The following INPP5B variants were observed in gnomAD, a reference collection of about 807,000 sequenced individuals.
The protein encoded by INPP5B is inositol polyphosphate-5-phosphatase B, also known as type II inositol 1,4,5-trisphosphate 5-phosphatase.
A neutral mutation model predicts 118.5 loss-of-function variants in INPP5B; 90 were observed. The observed-to-expected ratio is 0.76, with a 90% CI of 0.64 to 0.90. The LOEUF is 0.90. Ranked by LOEUF, INPP5B falls within the 40% of genes least tolerant of loss-of-function variation. The pLI is 0.00. For synonymous variants in INPP5B, 385 were observed against 418.9 expected (o/e 0.92, Z 0.99); for missense variants, 984 against 1,125.6 (o/e 0.87, Z 1.80).
At chr1:37,943,731 C>G in intron 4 of INPP5B, 62 bp from the exon 5 acceptor site, 1 of 1,612,386 alleles carries the variant, frequency 6.2e-7, no homozygotes, top group Non-Finnish European at 8.5e-7. Context: ...GCCCCCCCAT[C>G]AAGGACAAAG....
Position 37,885,811 on chromosome 1 carries a change from G to C in INPP5B, c.1146C>G (p.Gly382=). The change falls in exon 13 of 24, where the codon GGC becomes GGG. Residue 382 remains glycine (G), a synonymous_variant. Transcript: ENST00000373024. ...TGTGGAACTGGAACCTGATCGCCAC[G>C]CCTCCCTTGTTGCCCTATGGAAAGG... ...GIMGRMGNKG[G]VAIRFQFHNT... The C allele has an allele frequency of 6.2e-7, 1 of 1,613,902 alleles. No individual in the cohort carries two copies. The highest frequency in any genetic ancestry group is 1.1e-5 in the South Asian group (1 of 91,078).
At chr1:37,936,061 G>C (rs151149595) in intron 6 of INPP5B, among the ~76,000 whole-genome samples, 1 of 151,770 alleles carries the variant, frequency 6.6e-6, no homozygotes, top group Non-Finnish European at 1.5e-5. Context: ...GTGAGACTCC[G>C]TATCAAAAAA....
intron 7 of INPP5B, among the ~76,000 whole-genome samples, chr1:37,893,239 T>G (rs567419415): frequency 1.3e-5 from 2 of 151,958 alleles, no homozygotes; most frequent in African/African-American, 4.8e-5. Flanking sequence ...CAAGCCACCA[T>G]GCCCAGCTAA....
At chr1:37,892,441 C>T (rs895057443) in intron 7 of INPP5B, among the ~76,000 whole-genome samples, 4 of 152,198 alleles carry the variant, frequency 2.6e-5, no homozygotes, top group African/African-American at 9.7e-5. Context: ...GAAAATTAAT[C>T]TGCCAATAGC....
At chr1:37,872,370 CAA>C (rs371968500) in intron 19 of INPP5B, among the ~76,000 whole-genome samples, 9 of 102,094 alleles carry the variant, frequency 8.8e-5, no homozygotes, top group Admixed American at 3.5e-4. Flanking sequence ...AACTCCGTCT[CAA>C]AAAAAAAAAA....
At chr1:37,913,968 A>C (rs560486817) in intron 7 of INPP5B, among the ~76,000 whole-genome samples, 2 of 151,122 alleles carry the variant, frequency 1.3e-5, no homozygotes, top group Admixed American at 1.3e-4. Context: ...CTACCCCCCC[A>C]CTTAAGAAGG....
At chr1:37,926,213 T>TTG (rs1392855492) in intron 7 of INPP5B, among the ~76,000 whole-genome samples, 11 of 152,212 alleles carry the variant, frequency 7.2e-5, no homozygotes, top group African/African-American at 1.4e-4. Flanking sequence ...ATGACAGACT[T>TTG]TAATACTTTG....
At chr1:37,867,530 C>T (rs1642118793) in intron 20 of INPP5B, among the ~76,000 whole-genome samples, 1 of 152,096 alleles carries the variant, frequency 6.6e-6, no homozygotes, top group South Asian at 2.1e-4. Flanking sequence ...CATCTGAGAA[C>T]TACTGTGAAA....
rs1268118203 is a variant in INPP5B at position 37,878,424 on chromosome 1, C to T, written c.1542-101G>A. On this transcript the variant is annotated intron_variant, in intron 15 of 23. Transcript: ENST00000373024. ...GTGGGGAGTGATGAATCAGGGCCTT[C>T]ATGTCCATGTGGCTAAGTCATCTGA... The T allele has an allele frequency of 3.9e-6, 6 of 1,524,044 alleles. No individual in the cohort carries two copies. In the South Asian group the frequency reaches 5.0e-5, roughly 13 times the overall value. The allele number at this position is 1,524,044 out of a possible 1,614,324, so 94.4% of individuals were successfully genotyped here.
chr1:37,908,232 C>T (rs1042764832), intron 7 of INPP5B, among the ~76,000 whole-genome samples: 1 of 152,174 alleles, frequency 6.6e-6, no homozygotes, highest in Non-Finnish European at 1.5e-5. Flanking sequence ...CAGGAGGACT[C>T]CTTCAGGAGA....
At chr1:37,896,353 C>T (rs1644063094) in intron 7 of INPP5B, among the ~76,000 whole-genome samples, 1 of 151,434 alleles carries the variant, frequency 6.6e-6, no homozygotes, top group Non-Finnish European at 1.5e-5. Flanking sequence ...GCCCCTCCGC[C>T]CGGCAGCCGC....
At chr1:37,945,714 AC>A in intron 3 of INPP5B, 41 bp downstream of exon 3, 1 of 1,478,034 alleles carries the variant, frequency 6.8e-7, no homozygotes, top group Non-Finnish European at 9.4e-7. Context: ...GTGATGAACA[AC>A]CCCATGGCCC....
intron 14 of INPP5B, among the ~76,000 whole-genome samples, chr1:37,880,712 C>T (rs1039885914): frequency 4.0e-5 from 6 of 151,386 alleles, no homozygotes; most frequent in Non-Finnish European, 7.4e-5. Flanking sequence ...GGATTACAGG[C>T]GTCAGCCACA....
At chr1:37,908,688 T>C (rs114255784) in intron 7 of INPP5B, among the ~76,000 whole-genome samples, 3,053 of 152,210 alleles carry the variant, frequency 0.02, 100 homozygotes, top group African/African-American at 0.07. Flanking sequence ...GTTTAATCAC[T>C]GCGGAGATGC....
chr1:37,895,027 A>G (rs956473679), intron 7 of INPP5B, among the ~76,000 whole-genome samples: 1 of 152,210 alleles, frequency 6.6e-6, no homozygotes, highest in Non-Finnish European at 1.5e-5. Flanking sequence ...CTAGAAATGC[A>G]ATCCCCAGCT....
chr1:37,909,745 C>A (rs1344076286), intron 7 of INPP5B, among the ~76,000 whole-genome samples: 5 of 152,154 alleles, frequency 3.3e-5, no homozygotes, highest in Non-Finnish European at 7.3e-5. Context: ...TGGCCTTCAA[C>A]CCCCCAACAG....
intron 7 of INPP5B, chr1:37,930,468 T>G (rs1645410628): frequency 1.3e-5 from 2 of 152,314 alleles, no homozygotes; most frequent in Non-Finnish European, 2.9e-5. Flanking sequence ...CTCTTTCTGC[T>G]GCCATTGGCC....
intron 7 of INPP5B, chr1:37,931,371 G>A: frequency 7.5e-7 from 1 of 1,337,604 alleles, no homozygotes; most frequent in Non-Finnish European, 1.0e-6. Context: ...GGAGCAACAG[G>A]CCCAGAGAGG....
rs1357034144 is a variant in INPP5B, at chr1:37,945,749, C to T, written c.152+7G>A. On this transcript the variant is annotated splice_region_variant and intron_variant, in intron 3 of 23. Coordinates refer to ENST00000373024, the MANE Select transcript of INPP5B (RefSeq NM_005540.3). ...CCAGACAGGTGGGGACCAAGCCCCTCACTCACGCGTGTTCCTGGCCGCCGT... is the reference window on the plus strand; with the variant it reads ...CCAGACAGGTGGGGACCAAGCCCCTTACTCACGCGTGTTCCTGGCCGCCGT... The T allele has an allele frequency of 6.2e-7, 1 of 1,610,430 alleles. No individual in the cohort carries two copies.
Sources: gnomAD v4.1 joint callset for allele counts (sites outside exome capture counted in the v4.1 genomes callset) on GRCh38, gnomAD v4.1.1 for gene constraint, MANE v1.5 for transcripts, NCBI Gene and HGNC (gene_info 2026-07-23, HGNC 2026-07-21) for gene names.